TRAPPC12: variants seen among roughly 807,000 people sequenced by gnomAD.
The protein encoded by TRAPPC12 is TPR repeat protein 15.
A neutral mutation model predicts 69.2 loss-of-function variants in TRAPPC12; 61 were observed. The ratio of observed to expected loss-of-function variants is 0.88; its 90% CI spans 0.72 to 1.09. The LOEUF is 1.09. Ranked by LOEUF, TRAPPC12 falls within the 50% of genes least tolerant of loss-of-function variation. The pLI is 0.00. For synonymous variants in TRAPPC12, 469 were observed against 438.9 expected (o/e 1.07, Z -0.86); for missense variants, 1,101 against 1,016.4 (o/e 1.08, Z -1.13).
chr2:3,394,442 G>A (rs759688891), intron 2 of TRAPPC12, among the ~76,000 whole-genome samples: 1 of 152,118 alleles, frequency 6.6e-6, no homozygotes, highest in African/African-American at 2.4e-5. Context: ...CTAACACGGT[G>A]AAACCCCATC....
At chr2:3,418,099 TC>T (rs1048629978) in intron 3 of TRAPPC12, among the ~76,000 whole-genome samples, 310 of 20,868 alleles carry the variant, frequency 0.015, no homozygotes, top group Admixed American at 0.024. Context: ...ATGCCTGTAA[TC>T]CCATAATCCC....
At chr2:3,464,285 G>T (rs1000375921) in intron 8 of TRAPPC12, among the ~76,000 whole-genome samples, 5 of 152,232 alleles carry the variant, frequency 3.3e-5, no homozygotes, top group African/African-American at 1.2e-4. Context: ...GTGCTGTCTG[G>T]CTCGTCATGG....
rs1572190522 is a variant in TRAPPC12, at chr2:3,457,601, C to G, written c.1531-20C>G. On this transcript the variant is annotated intron_variant, in intron 6 of 11. Transcript: ENST00000324266. ...AATTGGTTCCCATGATTTTGTCCTTCTCATTTGGAATGATTGCAGATCCTG... is the reference window on the plus strand; with the variant it reads ...AATTGGTTCCCATGATTTTGTCCTTGTCATTTGGAATGATTGCAGATCCTG... 1.2e-6 allele frequency: 2 copies of G among 1,610,828 alleles called. No homozygotes were observed. Among genetic ancestry groups the G allele is most frequent in the Admixed American group, 1.7e-5 (1 of 59,972 alleles).
rs529899332 is a variant in TRAPPC12 at position 3,410,859 on chromosome 2, G to A, written c.1164+8966G>A. ...ATCCAGGCCAACATGGTGAAACCCC[G>A]TCTCTAGTAAAAATACAAAAATTAG... On this transcript the variant is annotated intron_variant, in intron 3 of 11. Coordinates refer to ENST00000324266, the MANE Select transcript of TRAPPC12 (RefSeq NM_016030.6). Among the ~76,000 whole-genome samples the A allele has an allele frequency of 3.9e-5, 6 of 152,106 alleles. No homozygotes were observed. In the East Asian group the frequency reaches 5.8e-4, roughly 15 times the overall value.
At chr2:3,467,092 G>C (rs1665849463) in intron 9 of TRAPPC12, among the ~76,000 whole-genome samples, 2 of 152,208 alleles carry the variant, frequency 1.3e-5, no homozygotes, top group Non-Finnish European at 2.9e-5. Context: ...CCACAGCGAG[G>C]GCTCTGGCAA....
intron 2 of TRAPPC12, among the ~76,000 whole-genome samples, chr2:3,392,377 G>T (rs1354507383): frequency 1.3e-5 from 2 of 152,166 alleles, no homozygotes; most frequent in Non-Finnish European, 2.9e-5. Context: ...AGGCAGACCT[G>T]CAAATGGATA....
intron 6 of TRAPPC12, among the ~76,000 whole-genome samples, chr2:3,445,757 GT>G (rs1664474208): frequency 6.6e-6 from 1 of 152,200 alleles, no homozygotes; most frequent in South Asian, 2.1e-4. Context: ...ACTATAACAT[GT>G]CCCGTTTGAA....
At chr2:3,461,342 G>A (rs1270154426) in intron 8 of TRAPPC12, among the ~76,000 whole-genome samples, 7 of 152,166 alleles carry the variant, frequency 4.6e-5, no homozygotes, top group African/African-American at 9.7e-5. Context: ...CGTGCAGCCC[G>A]CACCCCGGCT....
At chr2:3,409,741 C>CTTTTTTTTTTTTTTTTTTT (rs1558358525) in intron 3 of TRAPPC12, among the ~76,000 whole-genome samples, 6 of 51,752 alleles carry the variant, frequency 1.2e-4, no homozygotes, top group Non-Finnish European at 1.8e-4. Context: ...CAAAGCAAGA[C>CTTTTTTTTTTTTTTTTTTT]TTTGTCTTTA....
intron 2 of TRAPPC12, among the ~76,000 whole-genome samples, chr2:3,399,963 A>G (rs1437650391): frequency 6.6e-6 from 1 of 152,072 alleles, no homozygotes; most frequent in Admixed American, 6.5e-5. Context: ...CATGAGCATC[A>G]GCTTCTCTGT....
rs149241662 is a variant in TRAPPC12, at chr2:3,468,478, A to G, written c.1776+2783A>G. On this transcript the variant is annotated intron_variant, in intron 9 of 11. Coordinates refer to ENST00000324266, the MANE Select transcript of TRAPPC12 (RefSeq NM_016030.6). ...GTCATCATCGTCGTGTGTAGATGAT[A>G]AAGTTTATCCATGTGAAATCCTCTG... 7.4e-3 allele frequency among the ~76,000 whole-genome samples: 1,132 copies of G among 152,018 alleles called. 12 individuals carry two copies. The highest frequency in any genetic ancestry group is 0.026 in the African/African-American group (1,093 of 41,480).
At chr2:3,469,325 T>C (rs537684802) in intron 9 of TRAPPC12, among the ~76,000 whole-genome samples, 1 of 152,236 alleles carries the variant, frequency 6.6e-6, no homozygotes, top group Admixed American at 6.5e-5. Flanking sequence ...ACCTGTGTGC[T>C]GTGCTGTCAG....
intron 6 of TRAPPC12, among the ~76,000 whole-genome samples, chr2:3,448,808 GC>G (rs1156765383): frequency 6.6e-6 from 1 of 151,022 alleles, no homozygotes; most frequent in African/African-American, 2.4e-5. Context: ...CACAATCCGG[GC>G]CGAGGCTCCT....
chr2:3,443,956 A>G lies in TRAPPC12; in HGVS notation c.1530+65A>G, dbSNP rs150987525. The G allele has an allele frequency of 1.9e-4, 238 of 1,263,202 alleles. No homozygotes were observed. In the African/African-American group the frequency reaches 2.9e-3, roughly 15 times the overall value. The allele number at this position is 1,263,202 out of a possible 1,614,324, so 78.2% of individuals were successfully genotyped here. A position where few individuals can be genotyped will look rare whatever the true frequency, so the allele number is the denominator to read the frequency against. ...ATGCCCTCCACGCCCTCCCCACAGG[A>G]CATGCCCGTGCTGTTCCCTGCCCGT... On this transcript the variant is annotated intron_variant, in intron 6 of 11. Transcript: ENST00000324266.
chr2:3,456,199 T>G (rs1004446124), intron 6 of TRAPPC12: 4 of 152,328 alleles, frequency 2.6e-5, no homozygotes, highest in South Asian at 2.1e-4. Flanking sequence ...ACATCCTTTG[T>G]GTTGGCAGCA....
intron 3 of TRAPPC12, among the ~76,000 whole-genome samples, chr2:3,413,636 T>C (rs1214780672): frequency 4.6e-5 from 7 of 152,196 alleles, no homozygotes; most frequent in South Asian, 2.1e-4. Flanking sequence ...TGTATGTTTT[T>C]TTAAAAAAAG....
chr2:3,420,226 G>A (rs972288249), intron 3 of TRAPPC12, among the ~76,000 whole-genome samples: 3 of 152,122 alleles, frequency 2.0e-5, no homozygotes, highest in African/African-American at 7.2e-5. Flanking sequence ...AGACCTGGAG[G>A]AAACTGAGAT....
At chr2:3,448,491 G>C (rs1309649404) in intron 6 of TRAPPC12, among the ~76,000 whole-genome samples, 1 of 152,140 alleles carries the variant, frequency 6.6e-6, no homozygotes, top group Admixed American at 6.5e-5. Flanking sequence ...CAGTGGGTGA[G>C]GAGAGTCAAA....
At chr2:3,420,645 G>A (rs1276552139) in intron 3 of TRAPPC12, among the ~76,000 whole-genome samples, 1 of 152,164 alleles carries the variant, frequency 6.6e-6, no homozygotes, top group Non-Finnish European at 1.5e-5. Context: ...GCTGTGGCTG[G>A]AATTGGAGCA....
Sources: gnomAD v4.1 joint callset for allele counts (sites outside exome capture counted in the v4.1 genomes callset) on GRCh38, gnomAD v4.1.1 for gene constraint, MANE v1.5 for transcripts, NCBI Gene and HGNC (gene_info 2026-07-23, HGNC 2026-07-21) for gene names.